Variants in DPP10 observed in about 807,000 individuals in gnomAD.
DPP10 encodes the protein inactive dipeptidyl peptidase 10.
Under a neutral mutation model 120.9 loss-of-function variants are expected in DPP10, and 33 were observed. The ratio of observed to expected loss-of-function variants is 0.27; its 90% CI spans 0.21 to 0.37. The LOEUF (loss-of-function observed/expected upper bound fraction) is 0.37, where lower values mean the gene tolerates loss of function less well. Among genes scored for constraint, DPP10 ranks in the 10% least tolerant of loss-of-function variants. DPP10 has a pLI of 1.00. For missense variants in DPP10, 816 were observed against 942.8 expected (o/e 0.87, Z 1.76); for synonymous variants, 337 against 326.1 (o/e 1.03, Z -0.36).
At chr2:115,379,832 G>A (rs1408086849) in intron 3 of DPP10, among the ~76,000 whole-genome samples, 1 of 152,158 alleles carries the variant, frequency 6.6e-6, no homozygotes, top group Non-Finnish European at 1.5e-5. Flanking sequence ...TTCAGGAGCA[G>A]GTTCTTCAGT....
intron 7 of DPP10, among the ~76,000 whole-genome samples, chr2:115,718,442 T>C (rs2092559625): frequency 6.6e-6 from 1 of 152,206 alleles, no homozygotes; most frequent in South Asian, 2.1e-4. Context: ...AAAAGTTATC[T>C]TTCAGATAAC....
At chr2:114,763,443 A>G (rs757259336) in intron 1 of DPP10, among the ~76,000 whole-genome samples, 5 of 152,202 alleles carry the variant, frequency 3.3e-5, no homozygotes, top group Non-Finnish European at 7.3e-5. Context: ...TTCTCACAAA[A>G]TGAATTCAAA....
intron 12 of DPP10, among the ~76,000 whole-genome samples, chr2:115,767,806 TCA>T (rs1419248739): frequency 6.6e-6 from 1 of 152,118 alleles, no homozygotes; most frequent in Non-Finnish European, 1.5e-5. Flanking sequence ...TTTTGTATTT[TCA>T]GTTAATTTAT....
At chr2:115,138,659 T>A (rs760146289) in intron 1 of DPP10, among the ~76,000 whole-genome samples, 5 of 152,204 alleles carry the variant, frequency 3.3e-5, no homozygotes, top group Non-Finnish European at 7.4e-5. Flanking sequence ...AAACACAATT[T>A]TTTTTATTAA....
At chr2:114,545,066 G>A (rs1462973455) in intron 1 of DPP10, among the ~76,000 whole-genome samples, 1 of 151,954 alleles carries the variant, frequency 6.6e-6, no homozygotes, top group East Asian at 1.9e-4. Flanking sequence ...TGGCCAGGAT[G>A]GTCTGGATCT....
intron 1 of DPP10, among the ~76,000 whole-genome samples, chr2:114,455,075 G>C (rs188116303): frequency 4.1e-4 from 63 of 151,926 alleles, no homozygotes; most frequent in African/African-American, 1.3e-3. Context: ...ATAATCACAT[G>C]GCTTTTATTC....
At chr2:114,672,317 T>C (rs918227637) in intron 1 of DPP10, among the ~76,000 whole-genome samples, 2 of 152,152 alleles carry the variant, frequency 1.3e-5, no homozygotes, top group Admixed American at 1.3e-4. Context: ...ATGGAAATAA[T>C]GTCATATTTT....
intron 1 of DPP10, among the ~76,000 whole-genome samples, chr2:114,944,642 A>G (rs935533374): frequency 3.9e-5 from 6 of 152,170 alleles, no homozygotes; most frequent in Non-Finnish European, 7.4e-5. Context: ...TTCTGTTTCT[A>G]TAGGAACCAT....
At chr2:115,338,493 G>T (rs1360617175) in intron 2 of DPP10, among the ~76,000 whole-genome samples, 1 of 151,936 alleles carries the variant, frequency 6.6e-6, no homozygotes, top group African/African-American at 2.4e-5. Flanking sequence ...CTCTTGCCCA[G>T]GCTGGAGTGA....
intron 1 of DPP10, among the ~76,000 whole-genome samples, chr2:114,655,696 G>A (rs967029549): frequency 2.0e-5 from 3 of 151,892 alleles, no homozygotes; most frequent in African/African-American, 7.3e-5. Flanking sequence ...TGTTCTTAAA[G>A]CATTCAGCTT....
intron 1 of DPP10, among the ~76,000 whole-genome samples, chr2:114,743,068 A>G (rs1678222838): frequency 1.3e-5 from 2 of 152,210 alleles, no homozygotes; most frequent in Non-Finnish European, 2.9e-5. Flanking sequence ...CAGAGAATCA[A>G]CTGAAATCCA....
chr2:114,608,907 C>T (rs796867624), intron 1 of DPP10, among the ~76,000 whole-genome samples: 22 of 152,106 alleles, frequency 1.4e-4, no homozygotes, highest in African/African-American at 3.4e-4. Context: ...AGAGGAAGGA[C>T]GGCAAGGGTT....
At chr2:115,432,371 T>C (rs552007942) in intron 3 of DPP10, among the ~76,000 whole-genome samples, 104 of 152,176 alleles carry the variant, frequency 6.8e-4, no homozygotes, top group African/African-American at 2.4e-3. Context: ...GTGGGAGATA[T>C]TCATGAATAG....
chr2:114,466,038 C>T (rs893157960), intron 1 of DPP10, among the ~76,000 whole-genome samples: 1 of 152,118 alleles, frequency 6.6e-6, no homozygotes, highest in African/African-American at 2.4e-5. Context: ...CTCTCTACTT[C>T]TGTGAGATAA....
At chr2:115,443,603 A>G (rs2072282151) in intron 3 of DPP10, among the ~76,000 whole-genome samples, 1 of 152,152 alleles carries the variant, frequency 6.6e-6, no homozygotes. Context: ...GTTTATATCA[A>G]AGTAATTTAG....
chr2:115,801,676 A>G (rs1462396509), intron 19 of DPP10, among the ~76,000 whole-genome samples: 2 of 152,078 alleles, frequency 1.3e-5, no homozygotes, highest in Non-Finnish European at 2.9e-5. Context: ...CCTTCTCTGC[A>G]TCTATTGAGA....
chr2:115,438,106 A>T (rs534260783), intron 3 of DPP10, among the ~76,000 whole-genome samples: 2 of 152,246 alleles, frequency 1.3e-5, no homozygotes, highest in African/African-American at 4.8e-5. Context: ...ATGATTAAAA[A>T]ATGGTGAGAG....
At chr2:115,002,707 AACAG>A (rs1701524833) in intron 1 of DPP10, among the ~76,000 whole-genome samples, 1 of 152,192 alleles carries the variant, frequency 6.6e-6, no homozygotes, top group Non-Finnish European at 1.5e-5. Flanking sequence ...AAAGAACATG[AACAG>A]ACACTTACCA....
intron 1 of DPP10, among the ~76,000 whole-genome samples, chr2:114,880,424 G>A (rs536815270): frequency 1.6e-4 from 24 of 152,286 alleles, no homozygotes; most frequent in African/African-American, 5.5e-4. Flanking sequence ...AGCTGCATCA[G>A]CATAGTCAGA....
Sources: allele counts gnomAD v4.1 joint callset (sites outside exome capture counted in the v4.1 genomes callset), GRCh38; gene constraint gnomAD v4.1.1; transcripts MANE v1.5; gene names NCBI Gene and HGNC (gene_info 2026-07-23, HGNC 2026-07-21).